The following SYN3 variants were observed in gnomAD, a reference collection of about 807,000 sequenced individuals.
SYN3 encodes the protein synapsin-3.
In SYN3, 35 loss-of-function variants were observed where a neutral mutation model predicts 65.8. The observed-to-expected ratio is 0.53, with a 90% CI of 0.41 to 0.70. The LOEUF (loss-of-function observed/expected upper bound fraction) is 0.70. Among genes scored for constraint, SYN3 ranks in the 30% least tolerant of loss-of-function variants. The probability of loss-of-function intolerance (pLI) is 0.00; values close to 1 mark genes in which losing one functional copy is unlikely to be tolerated. For missense variants in SYN3, 680 were observed against 749.0 expected, an observed-to-expected ratio of 0.91 and a Z score of 1.08; for synonymous variants, 270 against 292.9, an observed-to-expected ratio of 0.92 and a Z score of 0.80.
At chr22:32,621,529 G>A (rs1327876283) in intron 6 of SYN3, among the ~76,000 whole-genome samples, 1 of 152,166 alleles carries the variant, frequency 6.6e-6, no homozygotes, top group Non-Finnish European at 1.5e-5. Flanking sequence ...TACATGTGCT[G>A]TGTGGGTGCT....
chr22:32,615,365 C>G (rs371467621), intron 6 of SYN3, among the ~76,000 whole-genome samples: 1 of 130,392 alleles, frequency 7.7e-6, no homozygotes, highest in Admixed American at 8.5e-5. Flanking sequence ...AACCAGGAGG[C>G]GGAGGTTGCA....
intron 6 of SYN3, among the ~76,000 whole-genome samples, chr22:32,821,930 C>T (rs368298788): frequency 6.6e-6 from 1 of 152,052 alleles, no homozygotes; most frequent in Admixed American, 6.5e-5. Context: ...CCGAGGCAGG[C>T]GGATCACCTG....
intron 5 of SYN3, among the ~76,000 whole-genome samples, chr22:32,866,623 C>A (rs758336869): frequency 6.6e-6 from 1 of 152,142 alleles, no homozygotes; most frequent in Non-Finnish European, 1.5e-5. Flanking sequence ...GGATAGCACA[C>A]GGCTAGTGCT....
chr22:32,522,988 G>GT (rs1347648814), intron 12 of SYN3, among the ~76,000 whole-genome samples: 2 of 152,170 alleles, frequency 1.3e-5, no homozygotes, highest in African/African-American at 4.8e-5. Context: ...CAGATACTGT[G>GT]TTTTTTCTAA....
At chr22:32,743,363 A>C (rs913584757) in intron 6 of SYN3, among the ~76,000 whole-genome samples, 3 of 152,178 alleles carry the variant, frequency 2.0e-5, no homozygotes, top group African/African-American at 7.2e-5. Context: ...TTCTGCAGAC[A>C]ATTCTGGGCC....
At chr22:32,836,957 T>C (rs2047749014) in intron 6 of SYN3, among the ~76,000 whole-genome samples, 2 of 152,130 alleles carry the variant, frequency 1.3e-5, no homozygotes, top group Non-Finnish European at 2.9e-5. Flanking sequence ...TGGGAACAGA[T>C]TTGCTGTCTG....
At chr22:32,881,692 A>C (rs1228504782) in intron 4 of SYN3, among the ~76,000 whole-genome samples, 1 of 152,214 alleles carries the variant, frequency 6.6e-6, no homozygotes, top group Non-Finnish European at 1.5e-5. Context: ...TTGAGGGGCA[A>C]GAGTGGGTGA....
At chr22:32,633,535 T>C (rs1344341954) in intron 6 of SYN3, among the ~76,000 whole-genome samples, 2 of 152,230 alleles carry the variant, frequency 1.3e-5, no homozygotes, top group East Asian at 1.9e-4. Context: ...GGAATCCTAG[T>C]TGTTGGGAAG....
At chr22:32,584,051 C>CTT (rs2058987900) in intron 7 of SYN3, 1 of 152,248 alleles carries the variant, frequency 6.6e-6, no homozygotes, top group African/African-American at 2.4e-5. Context: ...TGACTTTACT[C>CTT]TGCACTCTTT....
chr22:32,754,204 T>G (rs1311050024), intron 6 of SYN3, among the ~76,000 whole-genome samples: 1 of 152,016 alleles, frequency 6.6e-6, no homozygotes, highest in East Asian at 1.9e-4. Context: ...CAGGCCAGAG[T>G]GCAGTGGCGC....
chr22:32,541,791 C>T, intron 7 of SYN3, 78 bp from the exon 8 acceptor site: 1 of 1,520,318 alleles, frequency 6.6e-7, no homozygotes, highest in Non-Finnish European at 8.9e-7. Context: ...AACAAGTGCT[C>T]TGTCTATAGA....
rs537887085 is a variant in SYN3, at chr22:33,006,495, T to C, written c.168A>G (p.Gly56=). ...TGGAGAGGGAGCTAAAAAGGCTGGA[T>C]CCTGGAGAGGAGAAGGAGGCAGCCA... ...QPLAASFSSP[G]SSLFSSLSSA... The change falls in exon 2 of 14, where the codon GGA becomes GGG. Residue 56 remains glycine, a synonymous_variant. Coordinates refer to ENST00000358763, the MANE Select transcript of SYN3 (RefSeq NM_003490.4). 1.1e-5 allele frequency: 18 copies of C among 1,614,174 alleles called. No individual in the cohort carries two copies. In the African/African-American group the frequency reaches 2.1e-4, roughly 19 times the overall value.
intron 2 of SYN3, among the ~76,000 whole-genome samples, chr22:32,990,440 CCA>C (rs2052679523): frequency 6.6e-6 from 1 of 151,726 alleles, no homozygotes; most frequent in African/African-American, 2.4e-5. Context: ...ATCCATCCAT[CCA>C]TCCATCCATC....
At chr22:32,807,356 ATATATAATATATAT>A (rs1297855728) in intron 6 of SYN3, among the ~76,000 whole-genome samples, 1 of 4,116 alleles carries the variant, frequency 2.4e-4, no homozygotes, top group East Asian at 8.6e-3. Context: ...TAAATATATA[ATATATAATATATAT>A]TATATATAAT....
At chr22:32,947,506 T>C (rs897863785) in intron 3 of SYN3, 1 of 152,138 alleles carries the variant, frequency 6.6e-6, no homozygotes, top group Non-Finnish European at 1.5e-5. Context: ...CTCCAGACTG[T>C]GACAAGGAGG....
At chr22:32,724,366 A>G (rs925470960) in intron 6 of SYN3, among the ~76,000 whole-genome samples, 3 of 152,190 alleles carry the variant, frequency 2.0e-5, no homozygotes, top group African/African-American at 7.2e-5. Flanking sequence ...ATCTGGGACT[A>G]CAGAAGGGTA....
At chr22:32,802,157 C>T (rs527584370) in intron 6 of SYN3, 1 of 1,565,268 alleles carries the variant, frequency 6.4e-7, no homozygotes, top group Non-Finnish European at 8.6e-7. Flanking sequence ...GAGCCCCACG[C>T]TGCAGCCAGG....
chr22:32,941,000 T>C (rs1301196308), intron 3 of SYN3, among the ~76,000 whole-genome samples: 1 of 152,242 alleles, frequency 6.6e-6, no homozygotes, highest in Non-Finnish European at 1.5e-5. Flanking sequence ...CCTAGCAATA[T>C]GATTGACTAG....
intron 7 of SYN3, chr22:32,583,407 A>T (rs2058977367): frequency 6.6e-6 from 1 of 152,194 alleles, no homozygotes; most frequent in South Asian, 2.1e-4. Context: ...TTTTAGGATC[A>T]TGCTTCTCCT....
Sources: gnomAD v4.1 joint callset for allele counts (sites outside exome capture counted in the v4.1 genomes callset) on GRCh38, gnomAD v4.1.1 for gene constraint, MANE v1.5 for transcripts, NCBI Gene and HGNC (gene_info 2026-07-23, HGNC 2026-07-21) for gene names.